ZNF385B: variants seen among roughly 807,000 people sequenced by gnomAD.
ZNF385B encodes zinc finger protein 385B.
Under a neutral mutation model 39.2 loss-of-function variants are expected in ZNF385B, and 23 were observed. The ratio of observed to expected loss-of-function variants is 0.59; its 90% CI spans 0.42 to 0.83. The LOEUF (loss-of-function observed/expected upper bound fraction) is 0.83, where lower values mean the gene tolerates loss of function less well. Among genes scored for constraint, ZNF385B ranks in the 40% least tolerant of loss-of-function variants. The pLI is 0.00. For missense variants in ZNF385B, 552 were observed against 598.9 expected (o/e 0.92, Z 0.82); for synonymous variants, 205 against 222.6 (o/e 0.92, Z 0.70).
At chr2:179,814,991 T>A (rs935693576) in intron 1 of ZNF385B, among the ~76,000 whole-genome samples, 25 of 152,240 alleles carry the variant, frequency 1.6e-4, no homozygotes, top group African/African-American at 6.0e-4. Flanking sequence ...TGATTATGAT[T>A]TTCTTCATTC....
At chr2:179,849,846 C>A (rs1160192564) in intron 1 of ZNF385B, among the ~76,000 whole-genome samples, 1 of 152,080 alleles carries the variant, frequency 6.6e-6, no homozygotes, top group South Asian at 2.1e-4. Context: ...ATTGCAAGCA[C>A]CATAAGAGAA....
At chr2:179,749,028 C>A (rs935013998) in intron 3 of ZNF385B, among the ~76,000 whole-genome samples, 4 of 152,060 alleles carry the variant, frequency 2.6e-5, no homozygotes, top group African/African-American at 9.7e-5. Context: ...AAGGAAACTG[C>A]ATTTATTTTT....
intron 5 of ZNF385B, among the ~76,000 whole-genome samples, chr2:179,486,292 C>G (rs1186586117): frequency 6.6e-6 from 1 of 152,102 alleles, no homozygotes; most frequent in Non-Finnish European, 1.5e-5. Flanking sequence ...TTGGCCAGCA[C>G]TTTACAAACG....
intron 3 of ZNF385B, among the ~76,000 whole-genome samples, chr2:179,711,087 G>A (rs2106383716): frequency 6.6e-6 from 1 of 152,316 alleles, no homozygotes; most frequent in South Asian, 2.1e-4. Context: ...AGTGGGATGT[G>A]CACCATTCTT....
chr2:179,810,089 G>A (rs1304253141), intron 1 of ZNF385B, among the ~76,000 whole-genome samples: 2 of 151,864 alleles, frequency 1.3e-5, no homozygotes, highest in Non-Finnish European at 1.5e-5. Flanking sequence ...TCTAATAAAT[G>A]TTACTGAAAT....
intron 3 of ZNF385B, among the ~76,000 whole-genome samples, chr2:179,653,580 C>G (rs1018772561): frequency 9.9e-5 from 15 of 152,168 alleles, no homozygotes; most frequent in African/African-American, 3.4e-4. Context: ...GAAAATCTGG[C>G]TGTTTATGCC....
At chr2:179,464,590 A>G (rs937517750) in intron 6 of ZNF385B, among the ~76,000 whole-genome samples, 2 of 152,168 alleles carry the variant, frequency 1.3e-5, no homozygotes, top group African/African-American at 2.4e-5. Flanking sequence ...TCCCAACACC[A>G]TTTATTAAGT....
At chr2:179,638,342 T>C (rs1053368007) in intron 3 of ZNF385B, among the ~76,000 whole-genome samples, 8 of 152,234 alleles carry the variant, frequency 5.3e-5, no homozygotes, top group African/African-American at 9.6e-5. Flanking sequence ...TGACTATATG[T>C]AGAGAGACAA....
At chr2:179,719,880 A>G (rs1700571786) in intron 3 of ZNF385B, among the ~76,000 whole-genome samples, 2 of 152,202 alleles carry the variant, frequency 1.3e-5, no homozygotes, top group Admixed American at 1.3e-4. Context: ...TGTATTTTCC[A>G]AGTCCCCGCA....
chr2:179,736,340 T>A (rs555952615), intron 3 of ZNF385B, among the ~76,000 whole-genome samples: 1 of 152,294 alleles, frequency 6.6e-6, no homozygotes, highest in East Asian at 1.9e-4. Flanking sequence ...TTTGCAGATT[T>A]TTTTTTAGCT....
intron 3 of ZNF385B, among the ~76,000 whole-genome samples, chr2:179,573,709 A>C (rs1685489642): frequency 6.6e-6 from 1 of 152,152 alleles, no homozygotes. Flanking sequence ...TGTAAGGGAA[A>C]AATAAAAAAC....
intron 3 of ZNF385B, among the ~76,000 whole-genome samples, chr2:179,701,651 A>C (rs1208311054): frequency 6.6e-6 from 1 of 152,166 alleles, no homozygotes; most frequent in Non-Finnish European, 1.5e-5. Context: ...TCATTTTTTA[A>C]ATATTCTAAA....
At chr2:179,671,348 T>C (rs958205407) in intron 3 of ZNF385B, among the ~76,000 whole-genome samples, 1 of 152,174 alleles carries the variant, frequency 6.6e-6, no homozygotes, top group East Asian at 1.9e-4. Context: ...GGGATTTTAG[T>C]AAAATGTGAG....
intron 3 of ZNF385B, among the ~76,000 whole-genome samples, chr2:179,616,703 T>C (rs990851356): frequency 6.6e-6 from 1 of 152,024 alleles, no homozygotes; most frequent in African/African-American, 2.4e-5. Context: ...GGTACCACAG[T>C]TGCATGCTGC....
chr2:179,630,536 A>T (rs926005783), intron 3 of ZNF385B, among the ~76,000 whole-genome samples: 4 of 152,266 alleles, frequency 2.6e-5, no homozygotes, highest in Admixed American at 2.6e-4. Flanking sequence ...ATCAAAGACC[A>T]AAGGTAGAGG....
chr2:179,457,647 CT>C (rs1235647251), intron 6 of ZNF385B, among the ~76,000 whole-genome samples: 5 of 152,006 alleles, frequency 3.3e-5, no homozygotes, highest in Non-Finnish European at 7.4e-5. Flanking sequence ...TAATGAGCTC[CT>C]TTTCTTTTTT....
chr2:179,774,715 C>T (rs1704213111), intron 1 of ZNF385B, among the ~76,000 whole-genome samples: 2 of 152,180 alleles, frequency 1.3e-5, no homozygotes, highest in African/African-American at 4.8e-5. Flanking sequence ...CAGCTGTTTG[C>T]ATTTTGAGAT....
At chr2:179,759,970 A>G (rs1323892476) in intron 3 of ZNF385B, among the ~76,000 whole-genome samples, 4 of 152,034 alleles carry the variant, frequency 2.6e-5, no homozygotes, top group Non-Finnish European at 4.4e-5. Flanking sequence ...TTTTATCAAG[A>G]TAATCAGAGA....
At chr2:179,807,606 T>TA (rs1171605123) in intron 1 of ZNF385B, among the ~76,000 whole-genome samples, 2 of 108,852 alleles carry the variant, frequency 1.8e-5, no homozygotes, top group East Asian at 2.6e-4. Context: ...CAAAAAAGAG[T>TA]AAAAAAAGGC....
Sources: gnomAD v4.1 joint callset for allele counts (sites outside exome capture counted in the v4.1 genomes callset) on GRCh38, gnomAD v4.1.1 for gene constraint, MANE v1.5 for transcripts, NCBI Gene and HGNC (gene_info 2026-07-23, HGNC 2026-07-21) for gene names.